The following STARD13 variants were observed in gnomAD, a reference collection of about 807,000 sequenced individuals.
STARD13 encodes the protein StAR related lipid transfer domain containing 13.
Under a neutral mutation model 106.4 loss-of-function variants are expected in STARD13, and 62 were observed. The ratio of observed to expected loss-of-function variants is 0.58; its 90% CI spans 0.48 to 0.72. STARD13 has a LOEUF of 0.72. STARD13 is among the 30% of genes least tolerant of loss of function. The probability of loss-of-function intolerance (pLI) is 0.00; values close to 1 mark genes in which losing one functional copy is unlikely to be tolerated. For synonymous variants in STARD13, 565 were observed against 553.0 expected (o/e 1.02, Z -0.31); for missense variants, 1,387 against 1,424.0 (o/e 0.97, Z 0.42).
At chr13:33,400,879 G>T in the STARD13 span, among the ~76,000 whole-genome samples, 33 of 151,800 alleles carry the variant, frequency 2.2e-4, no homozygotes, top group Non-Finnish European at 4.6e-4. Context: ...CAATAAAATT[G>T]GTTTTTAAAA....
the STARD13 span, among the ~76,000 whole-genome samples, chr13:33,644,876 A>G: frequency 1.3e-5 from 2 of 152,184 alleles, no homozygotes; most frequent in Non-Finnish European, 2.9e-5. Flanking sequence ...TGGCTCCAAT[A>G]TAACAATATG....
intron 1 of STARD13, among the ~76,000 whole-genome samples, chr13:33,234,065 T>C (rs1889065031): frequency 6.6e-6 from 1 of 152,238 alleles, no homozygotes; most frequent in Non-Finnish European, 1.5e-5. Context: ...TGTATGATCA[T>C]ATCTGTGTAC....
rs567438125 is a variant in STARD13 at position 33,167,178 on chromosome 13, G to GT, written c.241+372dup. Among the ~76,000 whole-genome samples, 6 of 152,118 alleles carry GT rather than the reference G, an allele frequency of 3.9e-5. No individual in the cohort carries two copies. In the East Asian group the frequency reaches 5.8e-4, roughly 15 times the overall value. Reference sequence around the variant, plus strand: ...TAATTAATTTTGTGACTTCTAGGAAGTTTTTTAACAGTGAGTTCATTGTGA... The same window carrying GT: ...TAATTAATTTTGTGACTTCTAGGAAGTTTTTTTAACAGTGAGTTCATTGTGA... On this transcript the variant is annotated intron_variant, in intron 2 of 13. Transcript: ENST00000336934.
chr13:33,326,831 C>T (rs1028643745), intron 1 of STARD13, among the ~76,000 whole-genome samples: 1 of 152,164 alleles, frequency 6.6e-6, no homozygotes, highest in African/African-American at 2.4e-5. Flanking sequence ...TCAAGTGGTG[C>T]TCTTATAATT....
chr13:33,260,349 G>A (rs1325390441), intron 1 of STARD13, among the ~76,000 whole-genome samples: 2 of 152,232 alleles, frequency 1.3e-5, no homozygotes, highest in Non-Finnish European at 2.9e-5. Flanking sequence ...CCAGCTGGTG[G>A]TCTGGGAGCT....
chr13:33,374,532 T>C, the STARD13 span, among the ~76,000 whole-genome samples: 1 of 152,202 alleles, frequency 6.6e-6, no homozygotes, highest in Non-Finnish European at 1.5e-5. Flanking sequence ...AGTACTAGAA[T>C]ATCTGTAATT....
At chr13:33,564,431 A>G in the STARD13 span, among the ~76,000 whole-genome samples, 1 of 145,764 alleles carries the variant, frequency 6.9e-6, no homozygotes, top group Non-Finnish European at 1.5e-5. Flanking sequence ...CCATATATGT[A>G]CTCTTGGTGG....
chr13:33,441,074 C>T, the STARD13 span, among the ~76,000 whole-genome samples: 7 of 152,060 alleles, frequency 4.6e-5, no homozygotes, highest in Admixed American at 4.6e-4. Flanking sequence ...TTCCCTCTGT[C>T]TTGGTGAATG....
chr13:33,644,044 C>T, the STARD13 span, among the ~76,000 whole-genome samples: 1 of 152,220 alleles, frequency 6.6e-6, no homozygotes, highest in Non-Finnish European at 1.5e-5. Context: ...AATTATGAAA[C>T]AACAGGGAAA....
chr13:33,251,365 A>G (rs1313064324), intron 1 of STARD13, among the ~76,000 whole-genome samples: 4 of 152,288 alleles, frequency 2.6e-5, no homozygotes, highest in African/African-American at 9.6e-5. Flanking sequence ...TGCTCGCTGC[A>G]TTGCCCCTCT....
chr13:33,404,048 G>C, the STARD13 span, among the ~76,000 whole-genome samples: 2 of 152,186 alleles, frequency 1.3e-5, no homozygotes, highest in African/African-American at 4.8e-5. Flanking sequence ...TAGTTTAATA[G>C]CTAGTGTTAT....
intron 1 of STARD13, among the ~76,000 whole-genome samples, chr13:33,220,924 G>C (rs1429802501): frequency 6.6e-6 from 1 of 152,120 alleles, no homozygotes; most frequent in Non-Finnish European, 1.5e-5. Flanking sequence ...GAACAGATGA[G>C]AGATTTACTG....
At chr13:33,462,391 A>G in the STARD13 span, among the ~76,000 whole-genome samples, 1 of 152,170 alleles carries the variant, frequency 6.6e-6, no homozygotes, top group Non-Finnish European at 1.5e-5. Flanking sequence ...ACTCTTTAAT[A>G]TTTGTGTTAG....
intron 1 of STARD13, among the ~76,000 whole-genome samples, chr13:33,339,960 C>T (rs2077941668): frequency 6.6e-6 from 1 of 151,708 alleles, no homozygotes; most frequent in African/African-American, 2.4e-5. Flanking sequence ...AGGACAACAC[C>T]TTGTGGCCAG....
the STARD13 span, among the ~76,000 whole-genome samples, chr13:33,646,088 G>A: frequency 6.6e-6 from 1 of 152,154 alleles, no homozygotes; most frequent in South Asian, 2.1e-4. Context: ...AGTTAATCTG[G>A]TTAAGTCCAA....
At chr13:33,267,741 C>T (rs749281727) in intron 1 of STARD13, among the ~76,000 whole-genome samples, 3 of 152,146 alleles carry the variant, frequency 2.0e-5, no homozygotes, top group East Asian at 1.9e-4. Context: ...TTTGGCAAAA[C>T]GTAGTTAGAT....
the STARD13 span, among the ~76,000 whole-genome samples, chr13:33,660,536 T>C: frequency 1.3e-5 from 2 of 152,206 alleles, no homozygotes; most frequent in Non-Finnish European, 2.9e-5. Flanking sequence ...GTTCTCTCTG[T>C]ACTGTCAGGG....
At chr13:33,627,592 G>A in the STARD13 span, among the ~76,000 whole-genome samples, 190 of 151,462 alleles carry the variant, frequency 1.3e-3, 1 homozygote, top group African/African-American at 4.4e-3. Context: ...AGCTGAGACC[G>A]TGTCACTGCA....
chr13:33,650,164 ATTTTTTTTTTTTTTTTTTTTTTTTT>A, the STARD13 span, among the ~76,000 whole-genome samples: 138 of 48,366 alleles, frequency 2.9e-3, 1 homozygote, highest in Middle Eastern at 0.021. Flanking sequence ...CGTGACTCCA[ATTTTTTTTTTTTTTTTTTTTTTTTT>A]TTTTTTTTTT....
Sources: gnomAD v4.1 joint callset for allele counts (sites outside exome capture counted in the v4.1 genomes callset) on GRCh38, gnomAD v4.1.1 for gene constraint, MANE v1.5 for transcripts, NCBI Gene and HGNC (gene_info 2026-07-23, HGNC 2026-07-21) for gene names.